The following EPHA6 variants were observed in gnomAD, a reference collection of about 807,000 sequenced individuals.
EPHA6 encodes EPH receptor A6, also known as ephrin type-A receptor 6.
EPHA6 carries 50 observed loss-of-function variants against 112.0 expected under a neutral mutation model. The observed-to-expected ratio is 0.45, with a 90% CI of 0.36 to 0.56. EPHA6 has a LOEUF of 0.56. Among genes scored for constraint, EPHA6 ranks in the 20% least tolerant of loss-of-function variants. EPHA6 has a pLI of 0.00. For synonymous variants in EPHA6, 529 were observed against 490.7 expected (o/e 1.08, Z -1.03); for missense variants, 1,280 against 1,417.4 (o/e 0.90, Z 1.56).
intron 3 of EPHA6, among the ~76,000 whole-genome samples, chr3:97,051,187 A>C (rs911309909): frequency 6.6e-6 from 1 of 152,194 alleles, no homozygotes; most frequent in African/African-American, 2.4e-5. Context: ...TTTAACACTA[A>C]ATAGTCTCAG....
At chr3:97,394,842 A>G (rs1577225076) in intron 5 of EPHA6, among the ~76,000 whole-genome samples, 1 of 151,784 alleles carries the variant, frequency 6.6e-6, no homozygotes, top group Non-Finnish European at 1.5e-5. Flanking sequence ...GTAAATTAGT[A>G]CAGCCATTAT....
chr3:97,405,033 A>C, intron 5 of EPHA6, 117 bp from the exon 6 acceptor site: 10 of 1,144,978 alleles, frequency 8.7e-6, no homozygotes, highest in Non-Finnish European at 1.1e-5. Context: ...TCTGCCTTCA[A>C]TAAATGGTGT....
intron 5 of EPHA6, among the ~76,000 whole-genome samples, chr3:97,272,335 C>T (rs1026129085): frequency 2.0e-5 from 3 of 149,726 alleles, no homozygotes; most frequent in Non-Finnish European, 4.4e-5. Flanking sequence ...TGTGTGTGTA[C>T]ATACATATGC....
At chr3:97,086,867 GT>G (rs1241814023) in intron 3 of EPHA6, among the ~76,000 whole-genome samples, 1 of 151,922 alleles carries the variant, frequency 6.6e-6, no homozygotes, top group Non-Finnish European at 1.5e-5. Context: ...TTTTTTAAAA[GT>G]TTTTTCCCAT....
intron 3 of EPHA6, among the ~76,000 whole-genome samples, chr3:97,171,190 A>G (rs745575046): frequency 1.6e-4 from 24 of 152,200 alleles, no homozygotes; most frequent in Non-Finnish European, 2.8e-4. Context: ...GAGACAAACC[A>G]TGTTAAATCA....
chr3:97,710,254 C>T (rs2033898168), intron 14 of EPHA6, among the ~76,000 whole-genome samples: 1 of 152,138 alleles, frequency 6.6e-6, no homozygotes, highest in East Asian at 1.9e-4. Flanking sequence ...TAGCTGACCC[C>T]AAACAGACTG....
At chr3:97,572,997 T>C (rs185887290) in intron 11 of EPHA6, among the ~76,000 whole-genome samples, 2 of 152,204 alleles carry the variant, frequency 1.3e-5, no homozygotes, top group African/African-American at 2.4e-5. Flanking sequence ...AATTTTTGAC[T>C]TTCTGCCTAC....
chr3:96,954,293 C>T (rs2041670116), intron 2 of EPHA6, among the ~76,000 whole-genome samples: 1 of 152,154 alleles, frequency 6.6e-6, no homozygotes, highest in Non-Finnish European at 1.5e-5. Context: ...TACAGTGGTT[C>T]AACGTCTTAT....
chr3:97,504,197 A>G (rs911623334), intron 10 of EPHA6, among the ~76,000 whole-genome samples: 1 of 152,182 alleles, frequency 6.6e-6, no homozygotes, highest in Non-Finnish European at 1.5e-5. Context: ...ATGCACCACA[A>G]TGTAGCAGTC....
chr3:96,982,050 C>G (rs1232626588), intron 2 of EPHA6, among the ~76,000 whole-genome samples: 1 of 152,052 alleles, frequency 6.6e-6, no homozygotes, highest in African/African-American at 2.4e-5. Flanking sequence ...GTGTCTCTAT[C>G]TCCTTCAGTT....
chr3:97,371,632 C>T (rs900232866), intron 5 of EPHA6, among the ~76,000 whole-genome samples: 43 of 152,108 alleles, frequency 2.8e-4, no homozygotes, highest in Non-Finnish European at 4.9e-4. Flanking sequence ...GAAAAAAGAA[C>T]AGGATAACAG....
chr3:97,726,795 C>G (rs2034790469), intron 15 of EPHA6, among the ~76,000 whole-genome samples: 1 of 152,010 alleles, frequency 6.6e-6, no homozygotes, highest in Non-Finnish European at 1.5e-5. Context: ...GTTCTTCCCT[C>G]CAACACTTAT....
intron 5 of EPHA6, among the ~76,000 whole-genome samples, chr3:97,251,751 ACAGT>A (rs2079149415): frequency 6.6e-6 from 1 of 152,160 alleles, no homozygotes; most frequent in Admixed American, 6.5e-5. Context: ...AGATTCTAAA[ACAGT>A]CAGTCGTCTA....
At chr3:97,732,650 G>A (rs1195635611) in intron 15 of EPHA6, among the ~76,000 whole-genome samples, 1 of 151,986 alleles carries the variant, frequency 6.6e-6, no homozygotes, top group Non-Finnish European at 1.5e-5. Flanking sequence ...TCAGATGTGT[G>A]ATCTTGGGCA....
At chr3:97,095,415 C>G (rs776843521) in intron 3 of EPHA6, among the ~76,000 whole-genome samples, 2 of 151,844 alleles carry the variant, frequency 1.3e-5, no homozygotes, top group Non-Finnish European at 2.9e-5. Context: ...ACAAACTGCA[C>G]CTTGTGCACA....
At chr3:96,903,487 A>G (rs565510325) in intron 2 of EPHA6, among the ~76,000 whole-genome samples, 17 of 152,156 alleles carry the variant, frequency 1.1e-4, no homozygotes, top group African/African-American at 3.6e-4. Flanking sequence ...TAAATGTCAG[A>G]AGATTATTTG....
chr3:97,184,046 T>C (rs774320397), intron 3 of EPHA6, among the ~76,000 whole-genome samples: 3 of 152,154 alleles, frequency 2.0e-5, no homozygotes, highest in Non-Finnish European at 4.4e-5. Context: ...AATTATAAAA[T>C]CATATACCTG....
At chr3:97,238,260 T>A (rs1474699410) in intron 4 of EPHA6, among the ~76,000 whole-genome samples, 1 of 151,938 alleles carries the variant, frequency 6.6e-6, no homozygotes, top group Non-Finnish European at 1.5e-5. Flanking sequence ...TCAGTGTTCA[T>A]AATATAAACA....
intron 2 of EPHA6, among the ~76,000 whole-genome samples, chr3:96,956,925 C>T (rs545583320): frequency 2.7e-5 from 4 of 150,942 alleles, no homozygotes; most frequent in East Asian, 2.0e-4. Context: ...CCCAGATACT[C>T]GGGAGGCTGA....
Sources: gnomAD v4.1 joint callset for allele counts (sites outside exome capture counted in the v4.1 genomes callset) on GRCh38, gnomAD v4.1.1 for gene constraint, MANE v1.5 for transcripts, NCBI Gene and HGNC (gene_info 2026-07-23, HGNC 2026-07-21) for gene names.